Variants in SOX5 observed in about 807,000 individuals in gnomAD.
SOX5 encodes SRY-box transcription factor 5, also known as transcription factor SOX-5.
Under a neutral mutation model 92.0 loss-of-function variants are expected in SOX5, and 9 were observed. The ratio of observed to expected loss-of-function variants is 0.10; its 90% CI spans 0.06 to 0.17. SOX5 has a LOEUF of 0.17. Among genes scored for constraint, SOX5 ranks in the 10% least tolerant of loss-of-function variants. The pLI is 1.00. For missense variants in SOX5, 642 were observed against 944.5 expected (o/e 0.68, Z 4.20); for synonymous variants, 344 against 336.3 (o/e 1.02, Z -0.25).
chr12:24,103,990 G>C (rs1946387301), intron 4 of SOX5, among the ~76,000 whole-genome samples: 1 of 152,194 alleles, frequency 6.6e-6, no homozygotes. Context: ...TGCAAGCATT[G>C]TTTTCCCAGA....
intron 1 of SOX5, among the ~76,000 whole-genome samples, chr12:24,383,175 C>G (rs1958007445): frequency 6.6e-6 from 1 of 152,178 alleles, no homozygotes; most frequent in Non-Finnish European, 1.5e-5. Flanking sequence ...ACCTCTCCCT[C>G]CCTAACAGCT....
In SOX5 at chr12:24,447,162, C is replaced by T. The variant is rs75602033; in HGVS notation, c.-250-78523G>A. The stretch of plus-strand genomic sequence containing the variant: ...TCTTGAGCAGGGGCTGCTCTTCCAA[C>T]GAGAACAAACAGTATGGAAAGGGAG... On this transcript the variant is annotated intron_variant, in intron 1 of 4. Coordinates refer to the SOX5 transcript ENST00000446891. 5.3e-4 allele frequency among the ~76,000 whole-genome samples: 81 copies of T among 152,200 alleles called. 1 individual carries two copies. Among genetic ancestry groups the T allele is most frequent in the South Asian group, 6.2e-4 (3 of 4,812 alleles).
chr12:23,847,714 C>G (rs1595010733), intron 2 of SOX5, among the ~76,000 whole-genome samples: 1 of 151,910 alleles, frequency 6.6e-6, no homozygotes, highest in Non-Finnish European at 1.5e-5. Context: ...AATTATAATT[C>G]TAAACCTCAA....
At chr12:24,429,417 TTTTTATTAGAATGGTTCTTA>T (rs1937820434) in intron 1 of SOX5, among the ~76,000 whole-genome samples, 1 of 152,140 alleles carries the variant, frequency 6.6e-6, no homozygotes, top group African/African-American at 2.4e-5. Flanking sequence ...CTGTTATTCA[TTTTTATTAGAATGGTTCTTA>T]ACATTTAGTA....
At chr12:24,511,588 T>C (rs1016635141) in intron 1 of SOX5, among the ~76,000 whole-genome samples, 2 of 152,196 alleles carry the variant, frequency 1.3e-5, no homozygotes, top group East Asian at 3.8e-4. Flanking sequence ...TTATCATAAA[T>C]TTTAGTGAAT....
intron 6 of SOX5, among the ~76,000 whole-genome samples, chr12:23,685,301 C>CA (rs1425303241): frequency 6.6e-6 from 1 of 152,044 alleles, no homozygotes; most frequent in African/African-American, 2.4e-5. Context: ...ATTATAATCT[C>CA]ACGGTTAGAG....
intron 3 of SOX5, among the ~76,000 whole-genome samples, chr12:23,817,812 CAT>C (rs1248528083): frequency 6.6e-6 from 1 of 152,162 alleles, no homozygotes; most frequent in Non-Finnish European, 1.5e-5. Flanking sequence ...CCAAAAATAA[CAT>C]AGTTACTCTC....
At chr12:24,095,142 G>T (rs373071967) in intron 4 of SOX5, among the ~76,000 whole-genome samples, 7 of 148,472 alleles carry the variant, frequency 4.7e-5, no homozygotes, top group Non-Finnish European at 1.0e-4. Context: ...GAGAGAGAGA[G>T]AGAGAGAGAG....
At chr12:24,431,866 A>G (rs913366724) in intron 1 of SOX5, among the ~76,000 whole-genome samples, 3 of 152,186 alleles carry the variant, frequency 2.0e-5, no homozygotes, top group African/African-American at 7.2e-5. Flanking sequence ...TGATAATGGC[A>G]CCTCTTGAAA....
At chr12:23,721,324 ATCCAC>A (rs1421612908) in intron 6 of SOX5, among the ~76,000 whole-genome samples, 3 of 152,110 alleles carry the variant, frequency 2.0e-5, no homozygotes, top group Non-Finnish European at 2.9e-5. Context: ...ACCTTAGGTG[ATCCAC>A]CAGCCTCAGC....
At chr12:24,370,377 C>G (rs183684640) in intron 1 of SOX5, among the ~76,000 whole-genome samples, 1 of 142,890 alleles carries the variant, frequency 7.0e-6, no homozygotes, top group Non-Finnish European at 1.5e-5. Flanking sequence ...CTCAGGAGGC[C>G]GAGGCAGGAG....
At chr12:23,825,910 C>T (rs1222367295) in intron 3 of SOX5, among the ~76,000 whole-genome samples, 1 of 152,052 alleles carries the variant, frequency 6.6e-6, no homozygotes, top group East Asian at 1.9e-4. Context: ...ATTTACTATT[C>T]CTTTTTACTT....
chr12:24,080,819 T>C (rs1943237143), intron 4 of SOX5, among the ~76,000 whole-genome samples: 1 of 151,956 alleles, frequency 6.6e-6, no homozygotes, highest in Admixed American at 6.6e-5. Context: ...AAAAGTCTTT[T>C]AGGGGGAAGA....
intron 1 of SOX5, among the ~76,000 whole-genome samples, chr12:23,949,238 A>G (rs1945135455): frequency 6.6e-6 from 1 of 152,202 alleles, no homozygotes; most frequent in African/African-American, 2.4e-5. Flanking sequence ...GGGAGAAAAC[A>G]ATCAATGAAG....
intron 4 of SOX5, among the ~76,000 whole-genome samples, chr12:24,137,501 G>A (rs1188532346): frequency 6.6e-5 from 10 of 152,006 alleles, no homozygotes; most frequent in Non-Finnish European, 1.0e-4. Flanking sequence ...GCATGGTGGC[G>A]CGCACCTGTA....
chr12:24,315,483 A>G (rs2140852243), intron 2 of SOX5, among the ~76,000 whole-genome samples: 1 of 152,296 alleles, frequency 6.6e-6, no homozygotes, highest in African/African-American at 2.4e-5. Flanking sequence ...AGTTAAGCAT[A>G]TTTGTAAGGT....
intron 1 of SOX5, among the ~76,000 whole-genome samples, chr12:24,507,125 ATTC>A (rs757259901): frequency 1.1e-4 from 16 of 152,188 alleles, no homozygotes; most frequent in Middle Eastern, 3.4e-3. Flanking sequence ...ATGAAATAAA[ATTC>A]TTCTTTACAA....
chr12:24,178,166 G>A (rs945638327), intron 4 of SOX5, among the ~76,000 whole-genome samples: 1 of 151,262 alleles, frequency 6.6e-6, no homozygotes, highest in African/African-American at 2.4e-5. Flanking sequence ...CAAACACTCA[G>A]TGTCATCTTG....
intron 1 of SOX5, among the ~76,000 whole-genome samples, chr12:24,409,307 G>A (rs1457199706): frequency 6.6e-6 from 1 of 152,086 alleles, no homozygotes; most frequent in Non-Finnish European, 1.5e-5. Flanking sequence ...ACAGAGAGGG[G>A]AACAATATAC....
Sources: allele counts gnomAD v4.1 joint callset (sites outside exome capture counted in the v4.1 genomes callset), GRCh38; gene constraint gnomAD v4.1.1; transcripts MANE v1.5; gene names NCBI Gene and HGNC (gene_info 2026-07-23, HGNC 2026-07-21).